Variants in SYT1 observed in about 807,000 individuals in gnomAD.
SYT1 encodes synaptotagmin-1.
SYT1 carries 8 observed loss-of-function variants against 44.8 expected under a neutral mutation model. That is an observed-to-expected ratio of 0.18 (90% CI 0.10 to 0.32). The LOEUF is 0.32. Among genes scored for constraint, SYT1 ranks in the 10% least tolerant of loss-of-function variants. The probability of loss-of-function intolerance (pLI) is 1.00; values close to 1 mark genes in which losing one functional copy is unlikely to be tolerated. For missense variants in SYT1, 286 were observed against 509.3 expected (o/e 0.56, Z 4.22); for synonymous variants, 154 against 188.8 (o/e 0.82, Z 1.51).
chr12:79,281,243 A>T (rs1013745204), intron 4 of SYT1, among the ~76,000 whole-genome samples: 1 of 152,206 alleles, frequency 6.6e-6, no homozygotes, highest in African/African-American at 2.4e-5. Flanking sequence ...GAGGTATGGA[A>T]TCAACCTAAG....
intron 3 of SYT1, among the ~76,000 whole-genome samples, chr12:79,077,148 G>C (rs1375069083): frequency 6.6e-6 from 1 of 151,992 alleles, no homozygotes; most frequent in Non-Finnish European, 1.5e-5. Flanking sequence ...AGCTCTCTTG[G>C]ATAAAGCCTT....
At chr12:79,348,087 G>A (rs1286364028) in intron 8 of SYT1, among the ~76,000 whole-genome samples, 1 of 152,068 alleles carries the variant, frequency 6.6e-6, no homozygotes, top group Non-Finnish European at 1.5e-5. Flanking sequence ...ATACGAAGGG[G>A]GCAGATCATA....
intron 9 of SYT1, among the ~76,000 whole-genome samples, chr12:79,414,472 T>G (rs1868615368): frequency 6.6e-6 from 1 of 152,156 alleles, no homozygotes; most frequent in Non-Finnish European, 1.5e-5. Context: ...TTGCAGCTAC[T>G]GTCCAGGAGG....
intron 3 of SYT1, among the ~76,000 whole-genome samples, chr12:79,173,799 T>A (rs180717962): frequency 2.0e-5 from 3 of 152,068 alleles, no homozygotes; most frequent in Non-Finnish European, 4.4e-5. Flanking sequence ...ATGAATTTAG[T>A]CAGTACGATT....
chr12:79,023,824 A>ACAT (rs1872346608), intron 2 of SYT1, among the ~76,000 whole-genome samples: 1 of 151,520 alleles, frequency 6.6e-6, no homozygotes, highest in Non-Finnish European at 1.5e-5. Flanking sequence ...CATTCATCAC[A>ACAT]CATCCACTTT....
At position 79,179,506 on chromosome 12, in the gene SYT1, G is replaced by GAT. The variant is rs1295991599; in HGVS notation, c.-17-37993_-17-37992dup. 6.2e-3 allele frequency among the ~76,000 whole-genome samples: 564 copies of GAT among 90,702 alleles called. 5 individuals are homozygous for GAT. Among genetic ancestry groups the GAT allele is most frequent in the African/African-American group, 0.014 (339 of 23,454 alleles). The allele number at this position is 90,702 out of a possible 152,430, so 59.5% of individuals were successfully genotyped here. A position where few individuals can be genotyped will look rare whatever the true frequency, so the allele number is the denominator to read the frequency against. The stretch of plus-strand genomic sequence containing the variant: ...ATATAGATATATCTATATAGATATA[G>GAT]ATATAGATATATCTATATAGATATA... On this transcript the variant is annotated intron_variant, in intron 3 of 10. Coordinates refer to ENST00000261205, the MANE Select transcript of SYT1 (RefSeq NM_005639.3).
rs111438344 is a variant in SYT1, at chr12:79,309,400, T to TA, written c.810+9850dup. Among the ~76,000 whole-genome samples, 19 of 152,180 alleles carry TA rather than the reference T, an allele frequency of 1.2e-4. 1 individual carries two copies. The highest frequency in any genetic ancestry group is 4.1e-4 in the South Asian group (2 of 4,826). ...CACTTTATGTTTCTTTTTTTTTTTTTATCTGATGATCTCTTTGAGGCCAGC... is the reference window on the plus strand; with the variant it reads ...CACTTTATGTTTCTTTTTTTTTTTTTAATCTGATGATCTCTTTGAGGCCAGC... On this transcript the variant is annotated intron_variant, in intron 8 of 10. Transcript: ENST00000261205.
chr12:79,428,820 A>G (rs1869599190), intron 9 of SYT1, among the ~76,000 whole-genome samples: 1 of 152,192 alleles, frequency 6.6e-6, no homozygotes, highest in African/African-American at 2.4e-5. Context: ...GTAATTTATA[A>G]AGAAAAGTGG....
intron 1 of SYT1, among the ~76,000 whole-genome samples, chr12:78,909,584 G>T (rs1426481231): frequency 6.6e-6 from 1 of 151,708 alleles, no homozygotes; most frequent in African/African-American, 2.4e-5. Context: ...TTTTTCTTAT[G>T]GTTAAATTTT....
At chr12:79,209,490 A>T (rs1242698182) in intron 3 of SYT1, among the ~76,000 whole-genome samples, 1 of 152,220 alleles carries the variant, frequency 6.6e-6, no homozygotes, top group African/African-American at 2.4e-5. Context: ...ATGCCATTAC[A>T]ACAGGCTTTA....
intron 2 of SYT1, among the ~76,000 whole-genome samples, chr12:79,005,640 T>TTAATATTAAATAGACACGGCCCC (rs1871026938): frequency 6.6e-6 from 1 of 152,102 alleles, no homozygotes; most frequent in South Asian, 2.1e-4. Flanking sequence ...GACATGGTCC[T>TTAATATTAAATAGACACGGCCCC]TAATATTAAA....
chr12:79,399,562 GA>G (rs1206275873), intron 9 of SYT1, among the ~76,000 whole-genome samples: 1 of 152,156 alleles, frequency 6.6e-6, no homozygotes, highest in Non-Finnish European at 1.5e-5. Context: ...CATATTAGGG[GA>G]AAAAGCAGAC....
chr12:79,318,740 C>T lies in SYT1; in HGVS notation c.810+19189C>T, dbSNP rs563526921. On this transcript the variant is annotated intron_variant, in intron 8 of 10. Transcript: ENST00000261205. ...GACAAGGTGCTTCCCTGAATTTTAA[C>T]GTTCTGCTAGTGTTTTAAAGATAGG... Among the ~76,000 whole-genome samples the T allele has an allele frequency of 4.6e-5, 7 of 152,226 alleles. No homozygotes were observed. In the South Asian group the frequency reaches 8.3e-4, roughly 18 times the overall value.
intron 1 of SYT1, among the ~76,000 whole-genome samples, chr12:78,941,217 C>A (rs371004664): frequency 1.3e-5 from 2 of 151,384 alleles, no homozygotes; most frequent in Admixed American, 1.3e-4. Flanking sequence ...GGATTACAGG[C>A]GCCTGCCACC....
rs190125603 is a variant in SYT1 at position 78,897,495 on chromosome 12, A to C, written c.-217+32386A>C. Among the ~76,000 whole-genome samples, 342 of 152,116 alleles carry C rather than the reference A, an allele frequency of 2.2e-3. 2 individuals are homozygous for C. The highest frequency in any genetic ancestry group is 0.014 in the South Asian group (68 of 4,830). ...TCATTACATAAATTCTGCAAGCCTA[A>C]ACAATGACAGCCCGAGACTGTTGTA... On this transcript the variant is annotated intron_variant, in intron 1 of 10. Transcript: ENST00000261205.
intron 1 of SYT1, among the ~76,000 whole-genome samples, chr12:78,931,087 A>C (rs953241308): frequency 1.3e-4 from 19 of 150,244 alleles, no homozygotes; most frequent in African/African-American, 4.2e-4. Flanking sequence ...ACTTGAACCC[A>C]GGAGGCGGAG....
chr12:78,864,516 C>A (rs1408017252), upstream of SYT1, among the ~76,000 whole-genome samples: 3 of 152,016 alleles, frequency 2.0e-5, no homozygotes, highest in East Asian at 1.9e-4. Flanking sequence ...ACCCCCTCCC[C>A]CAACCCGCCT....
chr12:78,865,988 G>A (rs766113227), intron 1 of SYT1, among the ~76,000 whole-genome samples: 7 of 151,958 alleles, frequency 4.6e-5, no homozygotes, highest in Non-Finnish European at 8.8e-5. Context: ...GTTGTTGGGG[G>A]ATCAAAAAAT....
intron 3 of SYT1, 113 bp downstream of exon 3, chr12:79,047,475 A>C (rs1343169618): frequency 6.6e-6 from 1 of 151,884 alleles, no homozygotes; most frequent in Non-Finnish European, 1.5e-5. Flanking sequence ...TAGTAGAGGA[A>C]GCAAGTTGAG....
Sources: gnomAD v4.1 joint callset for allele counts (sites outside exome capture counted in the v4.1 genomes callset) on GRCh38, gnomAD v4.1.1 for gene constraint, MANE v1.5 for transcripts, NCBI Gene and HGNC (gene_info 2026-07-23, HGNC 2026-07-21) for gene names.